SKI: variants seen among roughly 807,000 people sequenced by gnomAD.
The protein encoded by SKI is ski oncogene.
In SKI, 23 loss-of-function variants were observed where a neutral mutation model predicts 59.3. The ratio of observed to expected loss-of-function variants is 0.39; its 90% CI spans 0.28 to 0.55. The LOEUF is 0.55. Ranked by LOEUF, SKI falls within the 20% of genes least tolerant of loss-of-function variation. The pLI is 0.67. For synonymous variants in SKI, 673 were observed against 488.6 expected, an observed-to-expected ratio of 1.38 and a Z score of -4.98; for missense variants, 1,017 against 1,038.9, an observed-to-expected ratio of 0.98 and a Z score of 0.29.
chr1:2,303,293 C>G lies in SKI; in HGVS notation c.1104C>G (p.Gly368=). The change falls in exon 3 of 7, where the codon GGC becomes GGG. Residue 368 remains glycine, a synonymous_variant. Transcript: ENST00000378536. The surrounding 1 kb of genome is among the most constrained non-coding windows in gnomAD (Gnocchi z 5.6). The part of the protein sequence containing the change: ...TLAGSSNKSL[G]CVHPRQRLSA... ...CAACTCTTTCTCGACAGAGCCTGGG[C>G]TGTGTTCACCCTCGCCAGCGCCTCT... 6.2e-7 allele frequency: 1 copy of G among 1,613,658 alleles called. No individual in the cohort carries two copies. Among genetic ancestry groups the G allele is most frequent in the Non-Finnish European group, 8.5e-7 (1 of 1,180,014 alleles).
At chr1:2,250,263 C>T (rs1473240866) in intron 1 of SKI, among the ~76,000 whole-genome samples, 3 of 152,162 alleles carry the variant, frequency 2.0e-5, no homozygotes, top group African/African-American at 7.2e-5. Flanking sequence ...GTGCTCATTG[C>T]CCTGCTCAAC....
chr1:2,270,596 C>T lies in SKI; in HGVS notation c.970-32382C>T, dbSNP rs1639595393. On this transcript the variant is annotated intron_variant, in intron 1 of 6. Coordinates refer to ENST00000378536, the MANE Select transcript of SKI (RefSeq NM_003036.4). This position sits in a 1 kb window ranked among gnomAD's most constrained non-coding sequence, Gnocchi z 4.1. ...GCTGCCGGCTGAGGAGGCCGCACTCCCCGTGCCTCCCGGGCAGACACCTCA... is the reference window on the plus strand; with the variant it reads ...GCTGCCGGCTGAGGAGGCCGCACTCTCCGTGCCTCCCGGGCAGACACCTCA... Among the ~76,000 whole-genome samples the T allele has an allele frequency of 6.6e-6, 1 of 152,196 alleles. No individual in the cohort carries two copies. The highest frequency in any genetic ancestry group is 2.1e-4 in the South Asian group (1 of 4,836).
At position 2,303,797 on chromosome 1, in the gene SKI, T is replaced by C. The variant is rs775207171; in HGVS notation, c.1212-43T>C. The C allele has an allele frequency of 5.0e-6, 8 of 1,608,904 alleles. No homozygotes were observed. The highest frequency in any genetic ancestry group is 1.7e-5 in the Admixed American group (1 of 59,480). On this transcript the variant is annotated intron_variant, in intron 3 of 6. Transcript: ENST00000378536. This position sits in a 1 kb window ranked among gnomAD's most constrained non-coding sequence, Gnocchi z 5.6. ...GCGCCAGGATGTGTCTGGGTGGTGC[T>C]TGGGGACAGAGGCACCTTCCCGACA...
intron 5 of SKI, among the ~76,000 whole-genome samples, 191 bp downstream of exon 5, chr1:2,304,776 G>A (rs1031982163): frequency 3.9e-5 from 6 of 152,230 alleles, no homozygotes; most frequent in Non-Finnish European, 8.8e-5. Context: ...TGGGTATGGT[G>A]AGCCCCTCAG....
intron 1 of SKI, among the ~76,000 whole-genome samples, chr1:2,278,965 G>T (rs1569796100): frequency 6.6e-6 from 1 of 152,178 alleles, no homozygotes; most frequent in East Asian, 1.9e-4. Context: ...GGACCCTGGC[G>T]TTGAAGTGCC....
chr1:2,244,611 A>G (rs1471705589), intron 1 of SKI, among the ~76,000 whole-genome samples: 1 of 152,160 alleles, frequency 6.6e-6, no homozygotes, highest in African/African-American at 2.4e-5. Flanking sequence ...AGATTCTGTC[A>G]TTTAGAGTGT....
chr1:2,292,747 C>T (rs1375382332), intron 1 of SKI, among the ~76,000 whole-genome samples: 9 of 152,178 alleles, frequency 5.9e-5, no homozygotes, highest in African/African-American at 1.2e-4. Context: ...CTGGGGAGGA[C>T]GTGAGGGCCT....
chr1:2,290,894 C>T (rs989483404), intron 1 of SKI, among the ~76,000 whole-genome samples: 3 of 152,220 alleles, frequency 2.0e-5, no homozygotes, highest in African/African-American at 4.8e-5. Context: ...CATCCTGTGC[C>T]GCTTCTGTGT....
intron 1 of SKI, among the ~76,000 whole-genome samples, chr1:2,247,237 AAAG>A (rs945074528): frequency 1.3e-5 from 2 of 152,020 alleles, no homozygotes; most frequent in African/African-American, 4.8e-5. Context: ...AAAAAACAAA[AAAG>A]GGAGCCGTGG....
chr1:2,228,928 G>A lies in SKI; in HGVS notation c.162G>A (p.Glu54=), dbSNP rs867327122. ...CCTACAAGAAGGAGAGCGCCAAGGA[G>A]GCGGGCGCGGCCGCGGTGCCGGCGC... ...QEAYKKESAK[E]AGAAAVPAPV... is the part of the protein sequence containing the mutation. The change falls in exon 1 of 7, where the codon GAG becomes GAA. Residue 54 remains glutamate (E), a synonymous_variant. Coordinates refer to ENST00000378536, the MANE Select transcript of SKI (RefSeq NM_003036.4). 7.2e-7 allele frequency: 1 copy of A among 1,384,972 alleles called. No individual in the cohort carries two copies. The highest frequency in any genetic ancestry group is 3.4e-5 in the East Asian group (1 of 29,290). 85.8% of individuals were successfully genotyped at this position (1,384,972 alleles called of 1,614,324 possible).
intron 1 of SKI, among the ~76,000 whole-genome samples, chr1:2,266,619 T>C (rs1381650841): frequency 6.6e-6 from 1 of 152,114 alleles, no homozygotes; most frequent in Non-Finnish European, 1.5e-5. Flanking sequence ...CTTGTCTGCG[T>C]TTTTGGCCTT....
intron 1 of SKI, among the ~76,000 whole-genome samples, chr1:2,260,535 CT>C (rs3065260): frequency 2.2e-3 from 147 of 67,812 alleles, no homozygotes; most frequent in East Asian, 6.9e-3. Flanking sequence ...TGTTCTTTTT[CT>C]TTTTTTTTTT....
intron 5 of SKI, among the ~76,000 whole-genome samples, chr1:2,305,470 C>T (rs980540101): frequency 1.3e-5 from 2 of 152,222 alleles, no homozygotes; most frequent in Non-Finnish European, 2.9e-5. Flanking sequence ...AGCACGTCCC[C>T]CGCCACTGTT....
At chr1:2,239,841 G>A (rs1171870521) in intron 1 of SKI, among the ~76,000 whole-genome samples, 1 of 152,226 alleles carries the variant, frequency 6.6e-6, no homozygotes, top group African/African-American at 2.4e-5. Flanking sequence ...CCTGGGCAGT[G>A]GCGCAGCTGG....
At chr1:2,293,092 C>T (rs1342869032) in intron 1 of SKI, among the ~76,000 whole-genome samples, 1 of 152,212 alleles carries the variant, frequency 6.6e-6, no homozygotes, top group African/African-American at 2.4e-5. Context: ...TGTCAATAAA[C>T]CTGAACCTGA....
At chr1:2,283,317 G>A (rs1158481162) in intron 1 of SKI, among the ~76,000 whole-genome samples, 3 of 152,306 alleles carry the variant, frequency 2.0e-5, no homozygotes, top group African/African-American at 7.2e-5. Context: ...GGCCTGTCCA[G>A]GTCCTTTGAC....
chr1:2,280,490 G>A (rs993644219), intron 1 of SKI, among the ~76,000 whole-genome samples: 7 of 152,118 alleles, frequency 4.6e-5, no homozygotes, highest in Admixed American at 1.3e-4. Context: ...AAAATACCCC[G>A]GAATGGTCTT....
chr1:2,284,593 A>G (rs1639991685), intron 1 of SKI, among the ~76,000 whole-genome samples: 1 of 152,140 alleles, frequency 6.6e-6, no homozygotes, highest in Non-Finnish European at 1.5e-5. Flanking sequence ...GGGTGGTAGA[A>G]TTCAAGCTCA....
intron 1 of SKI, among the ~76,000 whole-genome samples, chr1:2,292,788 G>A (rs76195128): frequency 0.022 from 3,301 of 152,342 alleles, 123 homozygotes; most frequent in African/African-American, 0.074. Context: ...GGAGGTGGGG[G>A]TGGTCTTCTG....
Sources: gnomAD v4.1 joint callset for allele counts (sites outside exome capture counted in the v4.1 genomes callset) on GRCh38, gnomAD v4.1.1 for gene constraint, Gnocchi (gnomAD v3.1) non-coding constraint, MANE v1.5 for transcripts, NCBI Gene and HGNC (gene_info 2026-07-23, HGNC 2026-07-21) for gene names.